SOX6: variants seen among roughly 807,000 people sequenced by gnomAD.
The protein encoded by SOX6 is SRY-box transcription factor 6.
A neutral mutation model predicts 97.8 loss-of-function variants in SOX6; 11 were observed. The ratio of observed to expected loss-of-function variants is 0.11; its 90% CI spans 0.07 to 0.19. SOX6 has a LOEUF of 0.19. SOX6 is among the 10% of genes least tolerant of loss of function. The pLI, the probability that SOX6 is intolerant of heterozygous loss-of-function variation, is 1.00. For synonymous variants in SOX6, 360 were observed against 371.4 expected (o/e 0.97, Z 0.35); for missense variants, 810 against 1,039.5 (o/e 0.78, Z 3.04).
intron 4 of SOX6, among the ~76,000 whole-genome samples, chr11:16,192,348 CT>C (rs1262238621): frequency 6.6e-6 from 1 of 151,150 alleles, no homozygotes; most frequent in Non-Finnish European, 1.5e-5. Context: ...ATTTTTTTTT[CT>C]TAGGGGCCTT....
At chr11:16,242,146 G>C (rs948208039) in intron 3 of SOX6, among the ~76,000 whole-genome samples, 2 of 152,048 alleles carry the variant, frequency 1.3e-5, no homozygotes, top group East Asian at 1.9e-4. Context: ...TATGTATACA[G>C]TCATGAGCTG....
chr11:16,499,129 A>C (rs927619836), intron 4 of SOX6, among the ~76,000 whole-genome samples: 6 of 152,260 alleles, frequency 3.9e-5, no homozygotes, highest in South Asian at 4.1e-4. Context: ...CAGTGCAATC[A>C]AACTAGAACT....
intron 3 of SOX6, among the ~76,000 whole-genome samples, chr11:16,268,791 T>G (rs1485111220): frequency 1.3e-5 from 2 of 151,136 alleles, no homozygotes; most frequent in Non-Finnish European, 3.0e-5. Context: ...TTCCCTCAAA[T>G]TTTCAGAAAT....
chr11:16,083,514 G>A (rs1026683092), intron 9 of SOX6, among the ~76,000 whole-genome samples: 4 of 152,064 alleles, frequency 2.6e-5, no homozygotes, highest in African/African-American at 9.7e-5. Flanking sequence ...AATACTGATC[G>A]CTCATTGACT....
At chr11:16,200,870 C>T (rs965327242) in intron 4 of SOX6, among the ~76,000 whole-genome samples, 1 of 152,066 alleles carries the variant, frequency 6.6e-6, no homozygotes, top group African/African-American at 2.4e-5. Context: ...CTTTGGGAGG[C>T]TGAGGCAGGT....
chr11:16,730,317 T>C (rs112509626), intron 2 of SOX6, among the ~76,000 whole-genome samples: 1,739 of 152,100 alleles, frequency 0.011, 25 homozygotes, highest in African/African-American at 0.04. Context: ...CACATTGCAC[T>C]TATCCTAAAA....
Position 15,972,763 on chromosome 11 carries a change from G to A in SOX6, c.*46C>T, listed in dbSNP as rs758501223. ...CTCTTTAATAACTCTTTGTTGGGGAGGGGGGTGAAATGTCAGAGTACTTTA... is the reference window on the plus strand; with the variant it reads ...CTCTTTAATAACTCTTTGTTGGGGAAGGGGGTGAAATGTCAGAGTACTTTA... On this transcript the variant is annotated 3_prime_UTR_variant, in exon 16 of 16. Transcript: ENST00000683767. 8.0e-5 allele frequency: 128 copies of A among 1,595,804 alleles called. No individual in the cohort carries two copies. The highest frequency in any genetic ancestry group is 1.1e-4 in the Non-Finnish European group (123 of 1,163,918).
chr11:16,498,963 T>C (rs1383806023), intron 4 of SOX6, among the ~76,000 whole-genome samples: 2 of 152,176 alleles, frequency 1.3e-5, no homozygotes, highest in African/African-American at 2.4e-5. Context: ...GCAGACTTAA[T>C]AGACATCTAC....
At chr11:16,677,514 A>G (rs962053714) in intron 3 of SOX6, among the ~76,000 whole-genome samples, 2 of 152,242 alleles carry the variant, frequency 1.3e-5, no homozygotes, top group African/African-American at 4.8e-5. Flanking sequence ...TATGTTACTC[A>G]GCATTAACTG....
intron 12 of SOX6, among the ~76,000 whole-genome samples, chr11:16,022,187 A>G (rs1319698838): frequency 6.6e-6 from 1 of 152,174 alleles, no homozygotes; most frequent in Non-Finnish European, 1.5e-5. Flanking sequence ...TGTTAAAGAT[A>G]TTACTTAATG....
intron 7 of SOX6, among the ~76,000 whole-genome samples, chr11:16,101,523 A>G (rs1371848302): frequency 1.3e-5 from 2 of 151,640 alleles, no homozygotes; most frequent in African/African-American, 4.8e-5. Context: ...GAAAGCTAAG[A>G]ATCAAGGCTC....
intron 3 of SOX6, among the ~76,000 whole-genome samples, chr11:16,624,184 T>TTTA (rs72263018): frequency 6.8e-6 from 1 of 147,232 alleles, no homozygotes; most frequent in African/African-American, 2.5e-5. Context: ...TATTTTTTTA[T>TTTA]TTTATTTATT....
chr11:16,677,176 C>T (rs962308342), intron 3 of SOX6, among the ~76,000 whole-genome samples: 3 of 151,992 alleles, frequency 2.0e-5, no homozygotes, highest in Admixed American at 2.0e-4. Flanking sequence ...TTATGTAATA[C>T]TTCATGGAAG....
intron 3 of SOX6, chr11:16,311,945 T>C (rs1855614788): frequency 6.6e-6 from 1 of 152,116 alleles, no homozygotes; most frequent in African/African-American, 2.4e-5. Flanking sequence ...ATCCATCAAA[T>C]ATACACATAA....
At chr11:16,224,055 T>C (rs1852617638) in intron 4 of SOX6, among the ~76,000 whole-genome samples, 1 of 152,080 alleles carries the variant, frequency 6.6e-6, no homozygotes, top group African/African-American at 2.4e-5. Context: ...GCTGTAGCTA[T>C]TCCTAAAATT....
rs201249305 is a variant in SOX6 at position 16,204,117 on chromosome 11, T to TA, written c.536-17163dup. ...AGATACATACAATTTTATTGTCAAT[T>TA]AAAAAAAAAACACCACTTTTTAAGT... On this transcript the variant is annotated intron_variant, in intron 4 of 15. Coordinates refer to ENST00000683767, the MANE Select transcript of SOX6 (RefSeq NM_001367873.1). Among the ~76,000 whole-genome samples the TA allele has an allele frequency of 3.8e-3, 565 of 148,826 alleles. 7 individuals are homozygous for TA. Among genetic ancestry groups the TA allele is most frequent in the South Asian group, 0.03 (141 of 4,696 alleles).
chr11:16,598,490 T>G (rs1848235235), intron 4 of SOX6, among the ~76,000 whole-genome samples: 1 of 152,014 alleles, frequency 6.6e-6, no homozygotes, highest in Non-Finnish European at 1.5e-5. Context: ...TATGAAAATC[T>G]TCAGAAGAAG....
chr11:16,343,258 C>T (rs532533215), intron 1 of SOX6, among the ~76,000 whole-genome samples: 1 of 152,030 alleles, frequency 6.6e-6, no homozygotes, highest in South Asian at 2.1e-4. Context: ...TATCAATAAT[C>T]ATTCACATTA....
intron 3 of SOX6, among the ~76,000 whole-genome samples, chr11:16,673,459 G>A (rs1162914148): frequency 6.6e-6 from 1 of 152,104 alleles, no homozygotes; most frequent in African/African-American, 2.4e-5. Context: ...AAGATAATTA[G>A]AGGCTACCAT....
Sources: gnomAD v4.1 joint callset for allele counts (sites outside exome capture counted in the v4.1 genomes callset) on GRCh38, gnomAD v4.1.1 for gene constraint, MANE v1.5 for transcripts, NCBI Gene and HGNC (gene_info 2026-07-23, HGNC 2026-07-21) for gene names.